The following RBFOX1 variants were observed in gnomAD, a reference collection of about 807,000 sequenced individuals.
RBFOX1 encodes RNA binding protein fox-1 homolog 1.
Under a neutral mutation model 57.7 loss-of-function variants are expected in RBFOX1, and 8 were observed. That is an observed-to-expected ratio of 0.14 (90% CI 0.08 to 0.25). The LOEUF (loss-of-function observed/expected upper bound fraction) is 0.25. Ranked by LOEUF, RBFOX1 falls within the 10% of genes least tolerant of loss-of-function variation. RBFOX1 has a pLI of 1.00. For synonymous variants in RBFOX1, 326 were observed against 222.4 expected (o/e 1.47, Z -4.15); for missense variants, 611 against 548.5 (o/e 1.11, Z -1.14).
intron 1 of RBFOX1, among the ~76,000 whole-genome samples, chr16:6,122,727 G>GA (rs914236510): frequency 1.3e-5 from 2 of 151,474 alleles, no homozygotes; most frequent in East Asian, 1.9e-4. Context: ...CAGTTAATGG[G>GA]AAAAAAAAGC....
At chr16:6,529,999 C>G (rs1015328850) in intron 2 of RBFOX1, among the ~76,000 whole-genome samples, 5 of 152,088 alleles carry the variant, frequency 3.3e-5, no homozygotes, top group Non-Finnish European at 7.3e-5. Flanking sequence ...TAGATATAGT[C>G]TCAATGGGTA....
intron 1 of RBFOX1, among the ~76,000 whole-genome samples, chr16:5,372,241 G>T (rs560760321): frequency 6.6e-6 from 1 of 152,292 alleles, no homozygotes; most frequent in Admixed American, 6.5e-5. Context: ...GGTTTCACGG[G>T]TCCACTGCAA....
intron 1 of RBFOX1, among the ~76,000 whole-genome samples, chr16:6,278,377 CAAAAAAAAAAAAAAAAAAAA>C (rs57523660): frequency 3.2e-4 from 9 of 28,044 alleles, no homozygotes; most frequent in East Asian, 3.1e-3. Flanking sequence ...TAGGACTCAC[CAAAAAAAAAAAAAAAAAAAA>C]AAAAAAAAAA....
intron 2 of RBFOX1, among the ~76,000 whole-genome samples, chr16:6,358,377 G>A (rs1184336715): frequency 6.6e-6 from 1 of 152,182 alleles, no homozygotes; most frequent in Non-Finnish European, 1.5e-5. Context: ...GTAAGGAGGT[G>A]GAGAGCCATT....
At chr16:6,995,630 C>T (rs143287611) in intron 3 of RBFOX1, among the ~76,000 whole-genome samples, 1,776 of 152,114 alleles carry the variant, frequency 0.012, 13 homozygotes, top group Middle Eastern at 0.041. Flanking sequence ...CGTGGTGGTG[C>T]ACGCTTGTAA....
chr16:5,989,017 G>A (rs1165096715), intron 4 of RBFOX1, among the ~76,000 whole-genome samples: 2 of 151,960 alleles, frequency 1.3e-5, no homozygotes, highest in Non-Finnish European at 2.9e-5. Context: ...TCTTTAAATG[G>A]TAAGATAAAA....
chr16:6,160,443 C>T (rs923387450), intron 1 of RBFOX1, among the ~76,000 whole-genome samples: 7 of 152,114 alleles, frequency 4.6e-5, no homozygotes, highest in African/African-American at 1.7e-4. Flanking sequence ...CTTGATGCTT[C>T]ACTTCCCTTT....
chr16:5,461,233 G>A (rs891741385), intron 1 of RBFOX1, among the ~76,000 whole-genome samples: 3 of 152,210 alleles, frequency 2.0e-5, no homozygotes, highest in East Asian at 3.8e-4. Flanking sequence ...GGTGCATAGA[G>A]TGGTAACATC....
At position 6,090,321 on chromosome 16, in the gene RBFOX1, G is replaced by A. The variant is rs10163461; in HGVS notation, c.-127+70329G>A. On this transcript the variant is annotated intron_variant, in intron 1 of 15. Coordinates refer to ENST00000550418, the MANE Select transcript of RBFOX1 (RefSeq NM_018723.4). ...CCTTAATTCCCTGTTGCCCTGTAAG[G>A]TAAAATATATTCACAGGTTCCAGGT... Among the ~76,000 whole-genome samples, 1,423 of 152,204 alleles carry A rather than the reference G, an allele frequency of 9.3e-3. 22 individuals carry two copies. Among genetic ancestry groups the A allele is most frequent in the African/African-American group, 0.032 (1,332 of 41,522 alleles).
intron 3 of RBFOX1, among the ~76,000 whole-genome samples, chr16:5,736,138 C>T (rs930514502): frequency 6.6e-6 from 1 of 152,056 alleles, no homozygotes; most frequent in Non-Finnish European, 1.5e-5. Context: ...GGTTTTGTTA[C>T]ACGTGGACCC....
intron 3 of RBFOX1, among the ~76,000 whole-genome samples, chr16:6,770,184 T>C (rs535445332): frequency 6.6e-6 from 1 of 152,196 alleles, no homozygotes; most frequent in Non-Finnish European, 1.5e-5. Flanking sequence ...CTTGTATATA[T>C]CCATTAGCAG....
At chr16:7,688,913 C>T (rs927151866) in intron 14 of RBFOX1, among the ~76,000 whole-genome samples, 1 of 152,060 alleles carries the variant, frequency 6.6e-6, no homozygotes, top group Non-Finnish European at 1.5e-5. Context: ...AGAGACATCA[C>T]ACCTCACTGC....
At chr16:6,992,158 G>A (rs1163901073) in intron 3 of RBFOX1, among the ~76,000 whole-genome samples, 1 of 143,612 alleles carries the variant, frequency 7.0e-6, no homozygotes, top group Non-Finnish European at 1.5e-5. Flanking sequence ...CAAGCTCATA[G>A]AGAAGCAATT....
At chr16:6,105,686 AT>A (rs199985110) in intron 1 of RBFOX1, among the ~76,000 whole-genome samples, 5,286 of 147,186 alleles carry the variant, frequency 0.036, 256 homozygotes, top group African/African-American at 0.11. Flanking sequence ...TAGAAAAAAA[AT>A]ATATATATAT....
chr16:5,574,568 C>G (rs1161387843), intron 2 of RBFOX1, among the ~76,000 whole-genome samples: 3 of 151,996 alleles, frequency 2.0e-5, no homozygotes, highest in Non-Finnish European at 2.9e-5. Context: ...GTGCCTGCCA[C>G]CACGCCCAGC....
At chr16:7,145,653 G>A (rs2074809426) in intron 4 of RBFOX1, among the ~76,000 whole-genome samples, 1 of 152,130 alleles carries the variant, frequency 6.6e-6, no homozygotes, top group Admixed American at 6.6e-5. Context: ...TTTTCTGGGT[G>A]TTTAATAGCT....
chr16:7,026,172 A>G (rs930263211), intron 3 of RBFOX1, among the ~76,000 whole-genome samples: 1 of 152,130 alleles, frequency 6.6e-6, no homozygotes, highest in Admixed American at 6.5e-5. Context: ...CTTAAACCCA[A>G]CTTCTTGGGG....
At chr16:7,389,266 C>G (rs1396384316) in intron 4 of RBFOX1, among the ~76,000 whole-genome samples, 4 of 152,082 alleles carry the variant, frequency 2.6e-5, no homozygotes, top group South Asian at 4.2e-4. Context: ...GCTGGCAGCA[C>G]AGGTGTGTGT....
chr16:6,758,176 T>A (rs866860904), intron 3 of RBFOX1, among the ~76,000 whole-genome samples: 5 of 152,116 alleles, frequency 3.3e-5, no homozygotes, highest in Non-Finnish European at 5.9e-5. Flanking sequence ...CCTCTTAATG[T>A]CTTGCTGTGA....
Sources: gnomAD v4.1 joint callset for allele counts (sites outside exome capture counted in the v4.1 genomes callset) on GRCh38, gnomAD v4.1.1 for gene constraint, MANE v1.5 for transcripts, NCBI Gene and HGNC (gene_info 2026-07-23, HGNC 2026-07-21) for gene names.